CSMD1: variants seen among roughly 807,000 people sequenced by gnomAD.
CSMD1 encodes the protein CUB and Sushi multiple domains 1, also known as CUB and sushi domain-containing protein 1.
Under a neutral mutation model 417.5 loss-of-function variants are expected in CSMD1, and 213 were observed. The ratio of observed to expected loss-of-function variants is 0.51; its 90% CI spans 0.46 to 0.57. The LOEUF is 0.57. Among genes scored for constraint, CSMD1 ranks in the 20% least tolerant of loss-of-function variants. The pLI is 0.00. For synonymous variants in CSMD1, 2,862 were observed against 1,736.8 expected (o/e 1.65, Z -16.11); for missense variants, 6,923 against 4,529.7 (o/e 1.53, Z -15.17).
chr8:3,772,843 C>T (rs1798691350), intron 5 of CSMD1, among the ~76,000 whole-genome samples: 1 of 151,930 alleles, frequency 6.6e-6, no homozygotes, highest in South Asian at 2.1e-4. Context: ...CTCCCAACCC[C>T]CTCCTCTGCA....
chr8:3,240,536 A>C (rs1799428953), intron 26 of CSMD1, among the ~76,000 whole-genome samples: 1 of 151,774 alleles, frequency 6.6e-6, no homozygotes, highest in Non-Finnish European at 1.5e-5. Context: ...ACAGATGAGG[A>C]AGAAATTTGG....
At position 3,142,449 on chromosome 8, in the gene CSMD1, C is replaced by T. The variant is rs775224451; in HGVS notation, c.6241+16G>A. ...GTATTTAGATTTGGGTTTCGGTTCTCGTTGTTGTTCCATACCTTGGTAAGC... is the reference window on the plus strand; with the variant it reads ...GTATTTAGATTTGGGTTTCGGTTCTTGTTGTTGTTCCATACCTTGGTAAGC... On this transcript the variant is annotated intron_variant, in intron 41 of 69. Transcript: ENST00000635120. 9 of 1,603,328 alleles carry T rather than the reference C, an allele frequency of 5.6e-6. No individual in the cohort carries two copies. In the Admixed American group the frequency reaches 8.6e-5, roughly 15 times the overall value.
At chr8:4,237,858 T>C (rs1489475278) in intron 3 of CSMD1, among the ~76,000 whole-genome samples, 1 of 152,162 alleles carries the variant, frequency 6.6e-6, no homozygotes, top group African/African-American at 2.4e-5. Flanking sequence ...TATTATTTTT[T>C]TCTGGACAAT....
At chr8:4,707,948 G>A (rs538363653) in intron 1 of CSMD1, among the ~76,000 whole-genome samples, 9 of 140,952 alleles carry the variant, frequency 6.4e-5, no homozygotes, top group Admixed American at 2.1e-4. Context: ...AGAAGTTTCC[G>A]TGTGATTATT....
intron 5 of CSMD1, among the ~76,000 whole-genome samples, chr8:3,841,345 C>G (rs1244933831): frequency 6.6e-6 from 1 of 152,092 alleles, no homozygotes; most frequent in African/African-American, 2.4e-5. Context: ...CATTTTTGGA[C>G]TTCTTTAACC....
intron 10 of CSMD1, among the ~76,000 whole-genome samples, chr8:3,514,192 G>T (rs1014666043): frequency 2.0e-5 from 3 of 152,098 alleles, no homozygotes; most frequent in Non-Finnish European, 4.4e-5. Flanking sequence ...CCCTCATGAA[G>T]ACATGCTCTT....
intron 1 of CSMD1, among the ~76,000 whole-genome samples, chr8:4,986,720 T>C (rs1811198135): frequency 6.6e-6 from 1 of 152,006 alleles, no homozygotes; most frequent in African/African-American, 2.4e-5. Context: ...TGTAAAACTA[T>C]TAAAAAAAAG....
intron 6 of CSMD1, among the ~76,000 whole-genome samples, chr8:3,724,791 T>A (rs550146932): frequency 3.3e-5 from 5 of 152,214 alleles, no homozygotes; most frequent in Admixed American, 6.5e-5. Context: ...ATACCAGCAG[T>A]ACTTTGCCAT....
At chr8:4,840,032 T>C (rs1453459592) in intron 1 of CSMD1, among the ~76,000 whole-genome samples, 2 of 152,156 alleles carry the variant, frequency 1.3e-5, no homozygotes, top group African/African-American at 4.8e-5. Flanking sequence ...AAAGCCTGGT[T>C]TGGGGTTCAC....
intron 3 of CSMD1, among the ~76,000 whole-genome samples, chr8:4,392,701 G>T (rs1346701465): frequency 6.6e-6 from 1 of 151,582 alleles, no homozygotes; most frequent in African/African-American, 2.4e-5. Context: ...TGGGCACAGT[G>T]GCTGACACCT....
chr8:4,940,971 A>G (rs1442121597), intron 1 of CSMD1, among the ~76,000 whole-genome samples: 1 of 152,184 alleles, frequency 6.6e-6, no homozygotes, highest in African/African-American at 2.4e-5. Context: ...GATTTTTCAA[A>G]TGTATTTTTT....
At chr8:3,633,414 G>T (rs896405678) in intron 7 of CSMD1, among the ~76,000 whole-genome samples, 14 of 152,196 alleles carry the variant, frequency 9.2e-5, no homozygotes. Flanking sequence ...ACTTCACAGT[G>T]AATGGTTGCT....
chr8:3,793,180 G>T (rs1202752193), intron 5 of CSMD1, among the ~76,000 whole-genome samples: 1 of 152,120 alleles, frequency 6.6e-6, no homozygotes, highest in Non-Finnish European at 1.5e-5. Context: ...ATGGATTTTG[G>T]CATTTTTCTG....
At chr8:3,335,088 G>A (rs1040471373) in intron 23 of CSMD1, among the ~76,000 whole-genome samples, 3 of 152,160 alleles carry the variant, frequency 2.0e-5, no homozygotes, top group African/African-American at 7.2e-5. Context: ...TCATGAAACC[G>A]AGAGGAGCCC....
intron 1 of CSMD1, among the ~76,000 whole-genome samples, chr8:4,661,564 A>G (rs2724960): frequency 1.3e-5 from 2 of 152,168 alleles, no homozygotes; most frequent in South Asian, 2.1e-4. Context: ...TGTATCTCCA[A>G]TGTGTTCATC....
At chr8:4,700,949 C>G (rs1178110962) in intron 1 of CSMD1, among the ~76,000 whole-genome samples, 2 of 152,120 alleles carry the variant, frequency 1.3e-5, no homozygotes, top group East Asian at 3.9e-4. Flanking sequence ...TATCAAGTAA[C>G]CTTCGGTCTC....
intron 15 of CSMD1, among the ~76,000 whole-genome samples, chr8:3,400,688 C>T (rs989759352): frequency 2.6e-5 from 4 of 151,724 alleles, no homozygotes; most frequent in Admixed American, 1.3e-4. Flanking sequence ...AAAAATTGTC[C>T]ATCTGTTATA....
intron 3 of CSMD1, among the ~76,000 whole-genome samples, chr8:4,175,938 G>C (rs1407489259): frequency 1.3e-5 from 2 of 152,118 alleles, no homozygotes; most frequent in Non-Finnish European, 2.9e-5. Context: ...TGCAGGTGCT[G>C]TCGACATTGG....
At chr8:4,480,530 T>A (rs539690784) in intron 2 of CSMD1, among the ~76,000 whole-genome samples, 1 of 152,330 alleles carries the variant, frequency 6.6e-6, no homozygotes, top group African/African-American at 2.4e-5. Flanking sequence ...TTTCTCCGCC[T>A]TTTTGCACCA....
Sources: allele counts gnomAD v4.1 joint callset (sites outside exome capture counted in the v4.1 genomes callset), GRCh38; gene constraint gnomAD v4.1.1; transcripts MANE v1.5; gene names NCBI Gene and HGNC (gene_info 2026-07-23, HGNC 2026-07-21).